Variants in CTSC observed in about 807,000 individuals in gnomAD.
CTSC encodes the protein dipeptidyl peptidase 1.
Under a neutral mutation model 40.9 loss-of-function variants are expected in CTSC, and 37 were observed. The ratio of observed to expected loss-of-function variants is 0.91; its 90% CI spans 0.70 to 1.19. The LOEUF is 1.19. Ranked by LOEUF, CTSC falls within the 50% of genes most tolerant of loss-of-function variation. CTSC has a pLI of 0.00. For synonymous variants in CTSC, 232 were observed against 207.4 expected (o/e 1.12, Z -1.02); for missense variants, 594 against 567.3 (o/e 1.05, Z -0.48).
At chr11:88,312,774 C>A (rs1007086698) in intron 2 of CTSC, among the ~76,000 whole-genome samples, 1 of 152,046 alleles carries the variant, frequency 6.6e-6, no homozygotes, top group African/African-American at 2.4e-5. Flanking sequence ...CAAAACACTT[C>A]CAGGAATGAA....
chr11:88,331,924 C>CCA (rs1938369893), intron 2 of CTSC, among the ~76,000 whole-genome samples: 2 of 152,094 alleles, frequency 1.3e-5, no homozygotes, highest in African/African-American at 4.8e-5. Flanking sequence ...AGTTATGAGC[C>CCA]AGGAACCATG....
chr11:88,309,175 C>T lies in CTSC; in HGVS notation c.629G>A (p.Arg210Gln), dbSNP rs370862961. 47 of 1,613,678 alleles carry T rather than the reference C, an allele frequency of 2.9e-5. No homozygotes were observed. The Admixed American group carries it at 4.7e-4, about 16-fold the overall frequency. Reference sequence around the variant, plus strand: ...TGTGCTTGATTACCTTGGGATTTTTCGACTGTGGCCACCACTTCTCCTAAT... The same window carrying T: ...TGTGCTTGATTACCTTGGGATTTTTTGACTGTGGCCACCACTTCTCCTAAT... ...DMIRRSGGHS[R>Q]KIPRPKPAPL... Residue 210 changes from arginine (R) to glutamine (Q), a missense_variant, in exon 4 of 7, where the codon CGA (arginine) becomes CAA (glutamine). Arg to Gln is a conservative substitution (Grantham distance 43). Coordinates refer to ENST00000227266, the MANE Select transcript of CTSC (RefSeq NM_001814.6).
At position 88,294,189 on chromosome 11, in the gene CTSC, A is replaced by T; in HGVS notation, c.1209T>A (p.Thr403=). The T allele has an allele frequency of 1.2e-6, 2 of 1,613,940 alleles. No individual in the cohort carries two copies. Among genetic ancestry groups the T allele is most frequent in the Middle Eastern group, 1.6e-4 (1 of 6,062 alleles). The change falls in exon 7 of 7, where the codon ACT becomes ACA. Residue 403 remains threonine (T), a synonymous_variant. Transcript: ENST00000227266. ...LRDPFNPFEL[T]NHAVLLVGYG... ...AGCCCACAAGCAGAACAGCATGATTAGTCAGCTCAAAGGGGTTGAAAGGGT... is the reference window on the plus strand; with the variant it reads ...AGCCCACAAGCAGAACAGCATGATTTGTCAGCTCAAAGGGGTTGAAAGGGT...
At chr11:88,326,395 C>G (rs777326116) in intron 2 of CTSC, 1 of 1,613,894 alleles carries the variant, frequency 6.2e-7, no homozygotes, top group African/African-American at 1.3e-5. Flanking sequence ...AACGTCTGTT[C>G]ATGGCTGTGG....
intron 4 of CTSC, among the ~76,000 whole-genome samples, chr11:88,308,244 C>A (rs1403494744): frequency 6.6e-6 from 1 of 152,146 alleles, no homozygotes; most frequent in African/African-American, 2.4e-5. Context: ...TGGGCCTTGC[C>A]CTGAAACCCA....
At chr11:88,317,052 C>T (rs984518564) in intron 2 of CTSC, among the ~76,000 whole-genome samples, 4 of 152,026 alleles carry the variant, frequency 2.6e-5, no homozygotes, top group African/African-American at 4.8e-5. Context: ...CTGCAACCTC[C>T]GTCTTCCGGG....
chr11:88,310,997 T>C (rs1262264186), intron 3 of CTSC, among the ~76,000 whole-genome samples: 1 of 152,122 alleles, frequency 6.6e-6, no homozygotes, highest in East Asian at 1.9e-4. Context: ...TAAATACTAT[T>C]ATTTTTGGTG....
chr11:88,296,878 A>T lies in CTSC; in HGVS notation c.758-614T>A, dbSNP rs1189170313. 2.6e-5 allele frequency: 4 copies of T among 156,468 alleles called. No individual in the cohort carries two copies. In the South Asian group the frequency reaches 7.6e-4, roughly 30 times the overall value. 9.7% of individuals were successfully genotyped at this position (156,468 alleles called of 1,614,324 possible). A position where few individuals can be genotyped will look rare whatever the true frequency, so the allele number is the denominator to read the frequency against. On this transcript the variant is annotated intron_variant, in intron 5 of 6. Transcript: ENST00000227266. ...TTCCTTTTAACTACTGCCATTTCTGATGTTCCCTAAAATTCTCCCCCTAAA... is the reference window on the plus strand; with the variant it reads ...TTCCTTTTAACTACTGCCATTTCTGTTGTTCCCTAAAATTCTCCCCCTAAA...
At chr11:88,307,357 A>G (rs72964978) in intron 4 of CTSC, among the ~76,000 whole-genome samples, 10,896 of 152,244 alleles carry the variant, frequency 0.072, 450 homozygotes, top group Non-Finnish European at 0.096. Flanking sequence ...AAGGAACTAT[A>G]TTAGATAGAT....
intron 5 of CTSC, chr11:88,298,817 G>A (rs1432162186): frequency 6.6e-6 from 1 of 152,064 alleles, no homozygotes; most frequent in Non-Finnish European, 1.5e-5. Context: ...CTTTTACCAA[G>A]CTATATGAAA....
At chr11:88,300,808 A>C (rs536216488) in intron 4 of CTSC, among the ~76,000 whole-genome samples, 163 bp from the exon 5 acceptor site, 256 of 152,012 alleles carry the variant, frequency 1.7e-3, no homozygotes, top group Middle Eastern at 3.4e-3. Context: ...TCAATTACAC[A>C]ATGGAGTTGT....
At chr11:88,318,371 T>A (rs1336607738) in intron 2 of CTSC, among the ~76,000 whole-genome samples, 1 of 152,214 alleles carries the variant, frequency 6.6e-6, no homozygotes, top group African/African-American at 2.4e-5. Flanking sequence ...TGGACTGCTA[T>A]GAAAGATATA....
chr11:88,320,414 G>GA (rs1228641132), intron 2 of CTSC, among the ~76,000 whole-genome samples: 2 of 152,202 alleles, frequency 1.3e-5, no homozygotes, highest in East Asian at 1.9e-4. Context: ...CGTAAAGTTG[G>GA]AAAAAAATCT....
chr11:88,327,538 A>G (rs1161256222), intron 2 of CTSC, among the ~76,000 whole-genome samples: 3 of 152,190 alleles, frequency 2.0e-5, no homozygotes, highest in Admixed American at 2.0e-4. Flanking sequence ...GAAAATGTGA[A>G]GAGAATGTAA....
chr11:88,313,521 T>A (rs1454445616), intron 2 of CTSC, among the ~76,000 whole-genome samples: 2 of 152,200 alleles, frequency 1.3e-5, no homozygotes, highest in Non-Finnish European at 2.9e-5. Flanking sequence ...TAACTATTAT[T>A]TTTAACAGAT....
Position 88,327,845 on chromosome 11 carries a change from G to A in CTSC, c.318+7092C>T, listed in dbSNP as rs147389736. The A allele has an allele frequency of 7.3e-4, 345 of 473,116 alleles. 1 individual carries two copies. The highest frequency in any genetic ancestry group is 6.5e-3 in the African/African-American group (331 of 50,858). 29.3% of individuals were successfully genotyped at this position (473,116 alleles called of 1,614,324 possible). A position where few individuals can be genotyped will look rare whatever the true frequency, so the allele number is the denominator to read the frequency against. On this transcript the variant is annotated intron_variant, in intron 2 of 6. Transcript: ENST00000227266. Reference sequence around the variant, plus strand: ...TGGGTCTTTACCCTTTTCGGTTCACGTCTACTTAGGTTACAAGTAGCATTC... The same window carrying A: ...TGGGTCTTTACCCTTTTCGGTTCACATCTACTTAGGTTACAAGTAGCATTC...
At chr11:88,318,214 G>C (rs1937921380) in intron 2 of CTSC, among the ~76,000 whole-genome samples, 1 of 152,222 alleles carries the variant, frequency 6.6e-6, no homozygotes, top group South Asian at 2.1e-4. Flanking sequence ...TTGGCTAGAA[G>C]ACAGAGGCAG....
chr11:88,329,342 C>T (rs1486156897), intron 2 of CTSC, among the ~76,000 whole-genome samples: 1 of 148,862 alleles, frequency 6.7e-6, no homozygotes, highest in East Asian at 2.0e-4. Context: ...ATTAGCTGGG[C>T]GTGATGGCGG....
intron 6 of CTSC, among the ~76,000 whole-genome samples, chr11:88,295,365 C>G (rs1204883284): frequency 1.3e-5 from 2 of 152,046 alleles, no homozygotes; most frequent in Non-Finnish European, 2.9e-5. Flanking sequence ...ACAGCCTGAT[C>G]TGAAAGCCTA....
Sources: gnomAD v4.1 joint callset for allele counts (sites outside exome capture counted in the v4.1 genomes callset) on GRCh38, gnomAD v4.1.1 for gene constraint, MANE v1.5 for transcripts, NCBI Gene and HGNC (gene_info 2026-07-23, HGNC 2026-07-21) for gene names.